Variants in INTS2 observed in about 807,000 individuals in gnomAD.
The protein encoded by INTS2 is KIAA1287.
A neutral mutation model predicts 139.6 loss-of-function variants in INTS2; 57 were observed. The ratio of observed to expected loss-of-function variants is 0.41; its 90% confidence interval spans 0.33 to 0.51. The LOEUF is 0.51. Among genes scored for constraint, INTS2 ranks in the 20% least tolerant of loss-of-function variants. The pLI is 0.28. For missense variants in INTS2, 1,196 were observed against 1,436.7 expected (o/e 0.83, Z 2.71); for synonymous variants, 473 against 493.4 (o/e 0.96, Z 0.55).
chr17:61,886,647 T>C (rs1279804651), intron 15 of INTS2, among the ~76,000 whole-genome samples: 2 of 152,190 alleles, frequency 1.3e-5, no homozygotes, highest in African/African-American at 4.8e-5. Flanking sequence ...AATAGTATCT[T>C]TCTCTGTCTC....
chr17:61,907,272 T>G, intron 8 of INTS2, 136 bp downstream of exon 8: 1 of 662,488 alleles, frequency 1.5e-6, no homozygotes, highest in Non-Finnish European at 2.6e-6. Context: ...ATTTCATTCT[T>G]CTTACAGGCC....
At chr17:61,926,711 T>C (rs375237862) in intron 1 of INTS2, 49 bp from the exon 2 acceptor site, 44 of 1,438,990 alleles carry the variant, frequency 3.1e-5, no homozygotes, top group Non-Finnish European at 4.1e-5. Context: ...TTCACATGTA[T>C]GAACACCCAA....
At chr17:61,888,570 T>TGTGC (rs2079254533) in intron 15 of INTS2, among the ~76,000 whole-genome samples, 1 of 151,080 alleles carries the variant, frequency 6.6e-6, no homozygotes, top group Admixed American at 6.6e-5. Context: ...CGTGCGTGTG[T>TGTGC]GTGTGTGTGT....
Position 61,926,366 on chromosome 17 carries a change from T to C in INTS2, c.279A>G (p.Lys93=), listed in dbSNP as rs2079713607. ...DFHALEQDAS[K]EQQLRHKLGG... ...CATAACATTACCTAAGCTGCTGTTC[T>C]TTGCTGGCATCTTGTTCTAAAGCAT... Residue 93 remains lysine, a synonymous_variant, in exon 2 of 25, where the codon AAA becomes AAG. Coordinates refer to ENST00000251334, the MANE Select transcript of INTS2 (RefSeq NM_001351695.2). 6 of 1,599,572 alleles carry C rather than the reference T, an allele frequency of 3.8e-6. No homozygotes were observed. Among genetic ancestry groups the C allele is most frequent in the Admixed American group, 1.7e-5 (1 of 58,846 alleles).
chr17:61,877,802 A>T (rs1324376885), intron 18 of INTS2, 85 bp downstream of exon 18: 5 of 1,139,150 alleles, frequency 4.4e-6, no homozygotes, highest in African/African-American at 1.6e-5. Flanking sequence ...GTGGTGAAAA[A>T]TTTTTTAAAC....
intron 8 of INTS2, among the ~76,000 whole-genome samples, chr17:61,906,542 G>A (rs745770056): frequency 6.6e-6 from 1 of 152,126 alleles, no homozygotes; most frequent in East Asian, 1.9e-4. Context: ...ATGTATCATG[G>A]CAACTGAAAT....
chr17:61,926,026 C>CA (rs1297593738), intron 2 of INTS2, among the ~76,000 whole-genome samples: 2 of 145,654 alleles, frequency 1.4e-5, no homozygotes, highest in Non-Finnish European at 3.0e-5. Context: ...AACTCTGTCT[C>CA]AAAAAAGAAA....
At position 61,873,201 on chromosome 17, in the gene INTS2, A is replaced by G. The variant is rs1289464976; in HGVS notation, c.2583-741T>C. ...AGGGGATTGGGTTAAGCATAGCTCTATAAAATGGAATACCATATAGCCAAT... is the reference window on the plus strand; with the variant it reads ...AGGGGATTGGGTTAAGCATAGCTCTGTAAAATGGAATACCATATAGCCAAT... On this transcript the variant is annotated intron_variant, in intron 19 of 24. Transcript: ENST00000251334. The surrounding 1 kb of genome is among the most constrained non-coding windows in gnomAD (Gnocchi z 4.0). 1.3e-5 allele frequency among the ~76,000 whole-genome samples: 2 copies of G among 152,170 alleles called. No individual in the cohort carries two copies. Among genetic ancestry groups the G allele is most frequent in the Non-Finnish European group, 1.5e-5 (1 of 68,034 alleles).
Position 61,869,726 on chromosome 17 carries a change from T to C in INTS2, c.3030+11A>G. 1 of 1,610,552 alleles carries C rather than the reference T, an allele frequency of 6.2e-7. No homozygotes were observed. The highest frequency in any genetic ancestry group is 8.5e-7 in the Non-Finnish European group (1 of 1,177,166). On this transcript the variant is annotated intron_variant, in intron 21 of 24. Transcript: ENST00000251334. The surrounding 1 kb of genome is among the most constrained non-coding windows in gnomAD (Gnocchi z 5.4). ...AGTTCAAACACAAAGCATCATTCTT[T>C]GGAAACAGACCTGAAAGTGAACAAG...
chr17:61,874,441 T>C (rs2079111979), intron 19 of INTS2, among the ~76,000 whole-genome samples: 1 of 152,200 alleles, frequency 6.6e-6, no homozygotes, highest in African/African-American at 2.4e-5. Context: ...CCTTTTGAGA[T>C]GAAGCCACTT....
At chr17:61,904,295 C>G (rs2079438424) in intron 9 of INTS2, among the ~76,000 whole-genome samples, 165 bp downstream of exon 9, 1 of 152,130 alleles carries the variant, frequency 6.6e-6, no homozygotes, top group Non-Finnish European at 1.5e-5. Flanking sequence ...GCCTGGGCAA[C>G]AAAGCTAGAC....
At chr17:61,907,670 T>C (rs541610493) in intron 7 of INTS2, 36 bp from the exon 8 acceptor site, 7 of 1,517,806 alleles carry the variant, frequency 4.6e-6, no homozygotes, top group South Asian at 1.2e-5. Flanking sequence ...GAAGAAAGCA[T>C]GAAGCATTTA....
intron 19 of INTS2, among the ~76,000 whole-genome samples, chr17:61,874,361 T>C (rs751429658): frequency 1.5e-4 from 23 of 152,336 alleles, no homozygotes; most frequent in African/African-American, 3.6e-4. Flanking sequence ...CCTCAACTTA[T>C]ATGTTTTTGA....
At chr17:61,883,919 G>A (rs2079201205) in intron 16 of INTS2, among the ~76,000 whole-genome samples, 2 of 151,776 alleles carry the variant, frequency 1.3e-5, no homozygotes, top group East Asian at 3.9e-4. Context: ...TGAGGTAGGA[G>A]GATGTTTGAG....
Position 61,894,500 on chromosome 17 carries a change from C to T in INTS2, c.1564-601G>A, listed in dbSNP as rs2079327393. ...TAATTCAGGAGTATATGTGCATATG[C>T]GTGTTGAGGGTGGGAGGGATAGTAA... On this transcript the variant is annotated intron_variant, in intron 12 of 24. Transcript: ENST00000251334. 2.0e-5 allele frequency among the ~76,000 whole-genome samples: 3 copies of T among 152,012 alleles called. No homozygotes were observed. The South Asian group carries it at 6.2e-4, about 32-fold the overall frequency.
At chr17:61,915,414 A>T (rs28867137) in intron 5 of INTS2, among the ~76,000 whole-genome samples, 55,503 of 150,972 alleles carry the variant, frequency 0.37, 12,408 homozygotes, top group East Asian at 0.76. Context: ...TAATCCCATG[A>T]ACTTGGGAGG....
chr17:61,904,329 A>G (rs1248426006), intron 9 of INTS2, 131 bp downstream of exon 9: 1 of 658,854 alleles, frequency 1.5e-6, no homozygotes, highest in African/African-American at 1.8e-5. Flanking sequence ...AATTGGAAAA[A>G]ACAAAACAAA....
chr17:61,911,148 C>T (rs780499724), intron 7 of INTS2: 1 of 255,376 alleles, frequency 3.9e-6, no homozygotes, highest in Non-Finnish European at 7.3e-6. Context: ...AGTCGCTATT[C>T]ACAGGCACAA....
At chr17:61,922,421 T>C (rs1474990751) in intron 3 of INTS2, among the ~76,000 whole-genome samples, 6 of 126,546 alleles carry the variant, frequency 4.7e-5, no homozygotes, top group South Asian at 2.4e-4. Flanking sequence ...TGAGCCGAGA[T>C]AGCACCACTG....
Sources: allele counts gnomAD v4.1 joint callset (sites outside exome capture counted in the v4.1 genomes callset), GRCh38; gene constraint gnomAD v4.1.1; non-coding constraint Gnocchi (gnomAD v3.1); transcripts MANE v1.5; gene names NCBI Gene and HGNC (gene_info 2026-07-23, HGNC 2026-07-21).